The following CFAP77 variants were observed in gnomAD, a reference collection of about 807,000 sequenced individuals.
CFAP77 encodes the protein cilia and flagella associated protein 77.
CFAP77 carries 25 observed loss-of-function variants against 31.1 expected under a neutral mutation model. The observed-to-expected ratio is 0.80, with a 90% CI of 0.59 to 1.12. The LOEUF (loss-of-function observed/expected upper bound fraction) is 1.12, where lower values mean the gene tolerates loss of function less well. Ranked by LOEUF, CFAP77 falls within the 50% of genes most tolerant of loss-of-function variation. CFAP77 has a pLI of 0.00. For synonymous variants in CFAP77, 151 were observed against 159.9 expected, an observed-to-expected ratio of 0.94 and a Z score of 0.42; for missense variants, 377 against 397.3, an observed-to-expected ratio of 0.95 and a Z score of 0.44.
intron 1 of CFAP77, among the ~76,000 whole-genome samples, chr9:132,486,024 A>ATG (rs1396799905): frequency 2.3e-5 from 1 of 43,350 alleles, no homozygotes; most frequent in African/African-American, 2.4e-4. Context: ...ATATATATAT[A>ATG]TATATATATA....
chr9:132,454,136 A>T (rs1259640951), intron 1 of CFAP77, among the ~76,000 whole-genome samples: 1 of 152,074 alleles, frequency 6.6e-6, no homozygotes, highest in Non-Finnish European at 1.5e-5. Context: ...AAACTCTGCC[A>T]TTGTACTTCT....
chr9:132,520,119 T>A (rs942344868), intron 3 of CFAP77, among the ~76,000 whole-genome samples: 2 of 143,148 alleles, frequency 1.4e-5, no homozygotes, highest in Non-Finnish European at 3.0e-5. Context: ...CGCAACAGTG[T>A]CTGGCATCAT....
At position 132,572,457 on chromosome 9, in the gene CFAP77, G is replaced by A; in HGVS notation, c.802G>A (p.Glu268Lys). 6.2e-7 allele frequency: 1 copy of A among 1,611,970 alleles called. No individual in the cohort carries two copies. Among genetic ancestry groups the A allele is most frequent in the Non-Finnish European group, 8.5e-7 (1 of 1,179,986 alleles). The change falls in exon 6 of 6, where the codon GAG becomes AAG. Residue 268 changes from glutamate to lysine, a missense_variant. Coordinates refer to ENST00000393216, the MANE Select transcript of CFAP77 (RefSeq NM_001282957.2). ...GAGAGCATTAAAAGCCCACCGGGAA[G>A]AGTGTGCCGTGCGCCAGGGGACCCT... ...RQRALKAHRE[E>K]CAVRQGTLRM...
intron 1 of CFAP77, among the ~76,000 whole-genome samples, chr9:132,445,995 C>T (rs562377571): frequency 6.6e-5 from 10 of 152,068 alleles, no homozygotes; most frequent in East Asian, 1.9e-4. Context: ...CATTGGGTGC[C>T]GCTCTCCACC....
chr9:132,486,893 G>T (rs115294065), intron 1 of CFAP77, among the ~76,000 whole-genome samples: 6 of 152,260 alleles, frequency 3.9e-5, no homozygotes, highest in Admixed American at 3.9e-4. Flanking sequence ...CGCCTCACAC[G>T]GCAAGGGCCA....
chr9:132,523,309 G>A (rs896665226), intron 3 of CFAP77, among the ~76,000 whole-genome samples: 3 of 151,998 alleles, frequency 2.0e-5, no homozygotes, highest in Non-Finnish European at 4.4e-5. Context: ...GGCTGGTCTG[G>A]AACTCCTGAC....
At chr9:132,458,352 G>GT (rs113472410) in intron 1 of CFAP77, among the ~76,000 whole-genome samples, 7 of 98,646 alleles carry the variant, frequency 7.1e-5, no homozygotes, top group Non-Finnish European at 1.1e-4. Flanking sequence ...CGGGGGAGGG[G>GT]GGGGGGTGTG....
chr9:132,424,710 C>T lies in CFAP77; in HGVS notation c.195+14244C>T, dbSNP rs1213254470. Among the ~76,000 whole-genome samples, 3 of 152,174 alleles carry T rather than the reference C, an allele frequency of 2.0e-5. No homozygotes were observed. Among genetic ancestry groups the T allele is most frequent in the Non-Finnish European group, 2.9e-5 (2 of 68,040 alleles). Reference sequence around the variant, plus strand: ...TTAAAGAAGAGACTCGGGATAAAGACGCATAGATACCGGGTTTCCCACGGA... The same window carrying T: ...TTAAAGAAGAGACTCGGGATAAAGATGCATAGATACCGGGTTTCCCACGGA... On this transcript the variant is annotated intron_variant, in intron 1 of 5. Coordinates refer to ENST00000393216, the MANE Select transcript of CFAP77 (RefSeq NM_001282957.2). This position sits in a 1 kb window ranked among gnomAD's most constrained non-coding sequence, Gnocchi z 4.1.
chr9:132,463,971 C>G (rs1237066546), intron 1 of CFAP77, among the ~76,000 whole-genome samples: 1 of 152,180 alleles, frequency 6.6e-6, no homozygotes, highest in African/African-American at 2.4e-5. Flanking sequence ...GTTTTAGTTC[C>G]CGGTCATGGC....
chr9:132,533,597 T>C (rs1852495467), intron 3 of CFAP77, among the ~76,000 whole-genome samples: 1 of 152,172 alleles, frequency 6.6e-6, no homozygotes, highest in African/African-American at 2.4e-5. Flanking sequence ...GAAAGTAATT[T>C]GAGGCCAGGT....
At chr9:132,568,414 G>A (rs779690077) in intron 5 of CFAP77, among the ~76,000 whole-genome samples, 26 of 152,022 alleles carry the variant, frequency 1.7e-4, no homozygotes, top group Non-Finnish European at 2.8e-4. Context: ...AAATTAGCCA[G>A]GCATGGTGGC....
chr9:132,549,350 C>T (rs117867757), intron 5 of CFAP77, among the ~76,000 whole-genome samples: 72 of 152,346 alleles, frequency 4.7e-4, no homozygotes, highest in Non-Finnish European at 8.4e-4. Context: ...CGCTTCCTTG[C>T]ATCGGAATAA....
At chr9:132,428,667 G>C (rs1167150885) in intron 1 of CFAP77, among the ~76,000 whole-genome samples, 1 of 152,022 alleles carries the variant, frequency 6.6e-6, no homozygotes, top group African/African-American at 2.4e-5. Flanking sequence ...AACACACCTC[G>C]ATTACCCTGG....
chr9:132,555,467 G>A (rs1852887886), intron 5 of CFAP77, among the ~76,000 whole-genome samples: 1 of 152,210 alleles, frequency 6.6e-6, no homozygotes, highest in Non-Finnish European at 1.5e-5. Flanking sequence ...CTCAGCAAAG[G>A]ACTTAATTTG....
At chr9:132,496,715 C>T (rs1352684467) in intron 1 of CFAP77, among the ~76,000 whole-genome samples, 2 of 152,186 alleles carry the variant, frequency 1.3e-5, no homozygotes, top group African/African-American at 2.4e-5. Context: ...TGTGGTGCCA[C>T]CATATAATAA....
chr9:132,428,765 A>C (rs996535436), intron 1 of CFAP77, among the ~76,000 whole-genome samples: 2 of 152,030 alleles, frequency 1.3e-5, no homozygotes, highest in Non-Finnish European at 2.9e-5. Flanking sequence ...AGACTAGGGA[A>C]CACACCCAGG....
At chr9:132,441,938 C>G (rs1447504297) in intron 1 of CFAP77, among the ~76,000 whole-genome samples, 1 of 152,224 alleles carries the variant, frequency 6.6e-6, no homozygotes, top group Non-Finnish European at 1.5e-5. Context: ...CCCAGGTAAT[C>G]TGTGTGCATA....
intron 1 of CFAP77, among the ~76,000 whole-genome samples, chr9:132,466,179 A>G (rs1433804953): frequency 1.3e-5 from 2 of 152,254 alleles, no homozygotes; most frequent in Non-Finnish European, 1.5e-5. Flanking sequence ...AGGCTCAAGC[A>G]ATCCTCACTC....
chr9:132,569,503 A>G (rs1002806779), intron 5 of CFAP77, among the ~76,000 whole-genome samples: 2 of 152,202 alleles, frequency 1.3e-5, no homozygotes, highest in Non-Finnish European at 2.9e-5. Context: ...GCAAAGCTGA[A>G]TATAAATAGT....
Sources: allele counts gnomAD v4.1 joint callset (sites outside exome capture counted in the v4.1 genomes callset), GRCh38; gene constraint gnomAD v4.1.1; non-coding constraint Gnocchi (gnomAD v3.1); transcripts MANE v1.5; gene names NCBI Gene and HGNC (gene_info 2026-07-23, HGNC 2026-07-21).